LOC128462377: variants seen among roughly 807,000 people sequenced by gnomAD.
At chr16:89,408,678 G>C in the LOC128462377 span, among the ~76,000 whole-genome samples, 3 of 151,918 alleles carry the variant, frequency 2.0e-5, no homozygotes, top group Non-Finnish European at 4.4e-5. Context: ...ACCCTCCCTA[G>C]AGTCCAGCGC....
chr16:89,321,987 AC>A, the LOC128462377 span, among the ~76,000 whole-genome samples: 10 of 152,304 alleles, frequency 6.6e-5, no homozygotes, highest in South Asian at 2.1e-3. Context: ...CAGTATTTTC[AC>A]GTCTCTAGTT....
At chr16:89,348,801 T>A in the LOC128462377 span, among the ~76,000 whole-genome samples, 2 of 151,762 alleles carry the variant, frequency 1.3e-5, no homozygotes, top group Non-Finnish European at 2.9e-5. Context: ...TTTTCTCATG[T>A]CCATACTAAA....
At chr16:89,380,866 A>G in the LOC128462377 span, among the ~76,000 whole-genome samples, 4 of 152,222 alleles carry the variant, frequency 2.6e-5, no homozygotes, top group Admixed American at 6.5e-5. Context: ...GACCAGGCCT[A>G]CACGGGGCAA....
At chr16:89,353,163 G>T in the LOC128462377 span, among the ~76,000 whole-genome samples, 1 of 152,084 alleles carries the variant, frequency 6.6e-6, no homozygotes, top group Non-Finnish European at 1.5e-5. Flanking sequence ...CCAATATGGT[G>T]AAACCCCGTC....
the LOC128462377 span, among the ~76,000 whole-genome samples, chr16:89,337,243 G>A: frequency 2.6e-5 from 4 of 151,622 alleles, no homozygotes; most frequent in Non-Finnish European, 5.9e-5. Context: ...ATTAATGGAG[G>A]AAGCCCCATG....
the LOC128462377 span, among the ~76,000 whole-genome samples, chr16:89,370,923 C>T: frequency 1.3e-4 from 20 of 152,110 alleles, no homozygotes; most frequent in African/African-American, 3.9e-4. Flanking sequence ...ACCCTGCAGG[C>T]GCCACGAGAC....
the LOC128462377 span, among the ~76,000 whole-genome samples, chr16:89,391,466 C>A: frequency 9.2e-5 from 14 of 152,210 alleles, no homozygotes; most frequent in Non-Finnish European, 1.8e-4. Context: ...ACAGAACTGA[C>A]TGCCTCCCTG....
At chr16:89,381,484 A>G in the LOC128462377 span, among the ~76,000 whole-genome samples, 1 of 152,202 alleles carries the variant, frequency 6.6e-6, no homozygotes, top group Non-Finnish European at 1.5e-5. Context: ...AACAGCCCCA[A>G]CATTAAATCA....
the LOC128462377 span, among the ~76,000 whole-genome samples, chr16:89,336,699 C>T: frequency 6.6e-6 from 1 of 152,174 alleles, no homozygotes; most frequent in South Asian, 2.1e-4. Context: ...CCCGGCCTGT[C>T]CTAAAAGCAC....
the LOC128462377 span, chr16:89,323,684 C>T: frequency 2.2e-4 from 65 of 301,876 alleles, no homozygotes; most frequent in South Asian, 1.7e-3. Context: ...TCCACGTCAG[C>T]GTCTCTGTCC....
the LOC128462377 span, among the ~76,000 whole-genome samples, chr16:89,383,338 G>A: frequency 1.3e-5 from 2 of 152,254 alleles, no homozygotes; most frequent in South Asian, 4.1e-4. Context: ...CTCTGGAGGG[G>A]CAGCAGCAGC....
At chr16:89,363,120 G>A in the LOC128462377 span, among the ~76,000 whole-genome samples, 1 of 151,970 alleles carries the variant, frequency 6.6e-6, no homozygotes, top group Admixed American at 6.6e-5. Flanking sequence ...ATTTCTTTAC[G>A]GCACCAGGGC....
At chr16:89,379,677 G>A in the LOC128462377 span, among the ~76,000 whole-genome samples, 1 of 152,168 alleles carries the variant, frequency 6.6e-6, no homozygotes, top group Non-Finnish European at 1.5e-5. Context: ...ACTGGGACGC[G>A]AGCGCCCCAA....
At chr16:89,408,401 G>A in the LOC128462377 span, among the ~76,000 whole-genome samples, 2 of 152,242 alleles carry the variant, frequency 1.3e-5, no homozygotes, top group African/African-American at 2.4e-5. Flanking sequence ...CAGTTGCCTG[G>A]GCAGAGGAGG....
chr16:89,415,829 CAAAAAAA>C, the LOC128462377 span, among the ~76,000 whole-genome samples: 4 of 39,744 alleles, frequency 1.0e-4, no homozygotes, highest in African/African-American at 2.8e-4. Flanking sequence ...GACTCTGTCT[CAAAAAAA>C]AAAAAAAAAA....
At chr16:89,418,004 G>A in the LOC128462377 span, among the ~76,000 whole-genome samples, 1 of 152,194 alleles carries the variant, frequency 6.6e-6, no homozygotes, top group Non-Finnish European at 1.5e-5. Flanking sequence ...AGGACAAGAG[G>A]AAATAAACTT....
chr16:89,339,317 A>T, the LOC128462377 span, among the ~76,000 whole-genome samples: 1 of 152,228 alleles, frequency 6.6e-6, no homozygotes, highest in Admixed American at 6.5e-5. Context: ...CAACCAAAGG[A>T]GTAAGAGAGG....
chr16:89,344,618 C>G, the LOC128462377 span, among the ~76,000 whole-genome samples: 4 of 152,222 alleles, frequency 2.6e-5, no homozygotes, highest in Admixed American at 6.5e-5. Context: ...GGAGGACACT[C>G]CAGGCTGAGG....
the LOC128462377 span, among the ~76,000 whole-genome samples, chr16:89,409,900 C>T: frequency 6.6e-6 from 1 of 151,724 alleles, no homozygotes; most frequent in Non-Finnish European, 1.5e-5. Context: ...AGTGTAGTGG[C>T]ACAATCTCAA....
Sources: allele counts gnomAD v4.1 joint callset (sites outside exome capture counted in the v4.1 genomes callset), GRCh38; gene constraint gnomAD v4.1.1; transcripts MANE v1.5.